Variants in KLK3 observed in about 807,000 individuals in gnomAD.
The protein encoded by KLK3 is prostate-specific antigen.
KLK3 carries 23 observed loss-of-function variants against 27.7 expected under a neutral mutation model. The observed-to-expected ratio is 0.83, with a 90% CI of 0.60 to 1.17. KLK3 has a LOEUF of 1.17. KLK3 is among the 50% of genes most tolerant of loss of function. The pLI is 0.00. For synonymous variants in KLK3, 142 were observed against 134.2 expected (o/e 1.06, Z -0.40); for missense variants, 322 against 338.1 (o/e 0.95, Z 0.37).
rs1255115588 is a variant in KLK3 at position 50,860,049 on chromosome 19, G to T, written c.708G>T (p.Leu236=). ...ITSWGSEPCA[L]PERPSLYTKV... is the part of the protein sequence containing the mutation. ...CATGGGGCAGTGAACCATGTGCCCTGCCCGAAAGGCCTTCCCTGTACACCA... is the reference window on the plus strand; with the variant it reads ...CATGGGGCAGTGAACCATGTGCCCTTCCCGAAAGGCCTTCCCTGTACACCA... The change falls in exon 5 of 5, where the codon CTG becomes CTT. Residue 236 remains leucine, a synonymous_variant. Coordinates refer to ENST00000326003, the MANE Select transcript of KLK3 (RefSeq NM_001648.2). The T allele has an allele frequency of 1.2e-6, 2 of 1,613,998 alleles. No individual in the cohort carries two copies. The highest frequency in any genetic ancestry group is 1.7e-6 in the Non-Finnish European group (2 of 1,179,984).
rs771089837 is a variant in KLK3 at position 50,858,315 on chromosome 19, T to G, written c.493T>G (p.Phe165Val). The change falls in exon 3 of 5, where the codon TTC (phenylalanine) becomes GTC (valine). Residue 165 changes from phenylalanine (F) to valine (V), a missense_variant and splice_region_variant. Transcript: ENST00000326003. ...SGWGSIEPEE[F>V]LTPKKLQCVD... ...CTGGGGCAGCATTGAACCAGAGGAG[T>G]GTACGCCTGGGCCAGATGGTGCAGC... The G allele has an allele frequency of 6.7e-5, 108 of 1,611,000 alleles. No homozygotes were observed. Among genetic ancestry groups the G allele is most frequent in the East Asian group, 1.6e-4 (7 of 44,844 alleles).
chr19:50,857,841 C>T (rs1198773092), intron 2 of KLK3, 188 bp from the exon 3 acceptor site: 12 of 560,632 alleles, frequency 2.1e-5, no homozygotes, highest in Non-Finnish European at 3.8e-5. Context: ...CTGTATCTGC[C>T]CTTCACCCTC....
intron 4 of KLK3, chr19:50,859,701 C>T: frequency 6.3e-7 from 1 of 1,581,974 alleles, no homozygotes; most frequent in South Asian, 1.1e-5. Flanking sequence ...GTCCCACCGA[C>T]CTGTCTACAA....
chr19:50,860,031 C>T lies in KLK3; in HGVS notation c.690C>T (p.Gly230=). 1.2e-6 allele frequency: 2 copies of T among 1,614,112 alleles called. No homozygotes were observed. Among genetic ancestry groups the T allele is most frequent in the Non-Finnish European group, 1.7e-6 (2 of 1,179,964 alleles). Residue 230 remains glycine (G), a synonymous_variant, in exon 5 of 5, where the codon GGC becomes GGT. Transcript: ENST00000326003. Reference sequence around the variant, plus strand: ...TGCTTCAAGGTATCACGTCATGGGGCAGTGAACCATGTGCCCTGCCCGAAA... The same window carrying T: ...TGCTTCAAGGTATCACGTCATGGGGTAGTGAACCATGTGCCCTGCCCGAAA... ...NGVLQGITSW[G]SEPCALPERP... is the part of the protein sequence containing the mutation.
chr19:50,860,381 T>G lies in KLK3; in HGVS notation c.*254T>G. The G allele has an allele frequency of 2.6e-6, 1 of 378,968 alleles. No individual in the cohort carries two copies. 23.5% of individuals were successfully genotyped at this position (378,968 alleles called of 1,614,324 possible). ...AATTTCTCTGAGGACACAGATAGGA[T>G]GGGGTGTCTGTGTTATTTGTGGGGT... On this transcript the variant is annotated 3_prime_UTR_variant, in exon 5 of 5. Coordinates refer to ENST00000326003, the MANE Select transcript of KLK3 (RefSeq NM_001648.2).
chr19:50,857,162 C>CAAAAAAAAAA (rs560911495), intron 2 of KLK3, among the ~76,000 whole-genome samples: 652 of 46,278 alleles, frequency 0.014, 48 homozygotes, highest in Admixed American at 0.043. Context: ...GACTCCGCCT[C>CAAAAAAAAAA]AAAAAAAAAA....
At position 50,858,300 on chromosome 19, in the gene KLK3, A is replaced by T. The variant is rs200126385; in HGVS notation, c.478A>T (p.Ile160Phe). 8.7e-6 allele frequency: 14 copies of T among 1,613,526 alleles called. No individual in the cohort carries two copies. Among genetic ancestry groups the T allele is most frequent in the Non-Finnish European group, 1.2e-5 (14 of 1,179,774 alleles). ...TTCYASGWGS[I>F]EPEEFLTPKK... ...CTGCTACGCCTCAGGCTGGGGCAGC[A>T]TTGAACCAGAGGAGTGTACGCCTGG... The change falls in exon 3 of 5, where the codon ATT becomes TTT. Residue 160 changes from isoleucine (I) to phenylalanine (F), a missense_variant. Ile to Phe is a conservative substitution (Grantham distance 21). Coordinates refer to ENST00000326003, the MANE Select transcript of KLK3 (RefSeq NM_001648.2).
Position 50,856,328 on chromosome 19 carries a change from T to C in KLK3, c.135T>C (p.Arg45=), listed in dbSNP as rs2090147054. The C allele has an allele frequency of 6.2e-7, 1 of 1,613,568 alleles. No homozygotes were observed. The highest frequency in any genetic ancestry group is 1.3e-5 in the African/African-American group (1 of 74,918). ...CCTGGCAGGTGCTTGTGGCCTCTCGTGGCAGGGCAGTCTGCGGCGGTGTTC... is the reference window on the plus strand; with the variant it reads ...CCTGGCAGGTGCTTGTGGCCTCTCGCGGCAGGGCAGTCTGCGGCGGTGTTC... ...SQPWQVLVAS[R]GRAVCGGVLV... is the part of the protein sequence containing the mutation. Residue 45 remains arginine (R), a synonymous_variant, in exon 2 of 5, where the codon CGT becomes CGC. Coordinates refer to ENST00000326003, the MANE Select transcript of KLK3 (RefSeq NM_001648.2).
intron 2 of KLK3, 22 bp from the exon 3 acceptor site, chr19:50,858,007 C>T (rs752072601): frequency 6.3e-7 from 1 of 1,590,660 alleles, no homozygotes; most frequent in South Asian, 1.1e-5. Flanking sequence ...GCTCCTCATT[C>T]CTGCGTCTGC....
At position 50,857,978 on chromosome 19, in the gene KLK3, C is replaced by G. The variant is rs1235627796; in HGVS notation, c.207-51C>G. On this transcript the variant is annotated intron_variant, in intron 2 of 4. Transcript: ENST00000326003. ...TCCTCCTTGCTCCTCTGTCCCTTCT[C>G]TCTTTCCTTATCATCCTCGCTCCTC... The G allele has an allele frequency of 3.9e-6, 6 of 1,550,666 alleles. No homozygotes were observed. In the South Asian group the frequency reaches 7.3e-5, roughly 19 times the overall value.
In KLK3 at chr19:50,860,413, A is replaced by ACCAC; in HGVS notation, c.*286_*287insCCAC. Reference sequence around the variant, plus strand: ...TCTGTGTTATTTGTGGGGTACAGAGATGAAAGAGGGGTGGGATCCACACTG... The same window carrying ACCAC: ...TCTGTGTTATTTGTGGGGTACAGAGACCACTGAAAGAGGGGTGGGATCCACACTG... On this transcript the variant is annotated 3_prime_UTR_variant, in exon 5 of 5. Transcript: ENST00000326003. The ACCAC allele has an allele frequency of 3.5e-6, 1 of 287,908 alleles. No individual in the cohort carries two copies. The highest frequency in any genetic ancestry group is 7.5e-5 in the South Asian group (1 of 13,308). 17.8% of individuals were successfully genotyped at this position (287,908 alleles called of 1,614,324 possible). A position where few individuals can be genotyped will look rare whatever the true frequency, so the allele number is the denominator to read the frequency against.
At chr19:50,855,038 G>C (rs910181602) in intron 1 of KLK3, 37 bp downstream of exon 1, 3 of 1,608,008 alleles carry the variant, frequency 1.9e-6, no homozygotes, top group Non-Finnish European at 2.6e-6. Context: ...GCAGGAGAGG[G>C]AGCCAGCCCT....
chr19:50,856,178 A>C, intron 1 of KLK3, 62 bp from the exon 2 acceptor site: 1 of 1,470,128 alleles, frequency 6.8e-7, no homozygotes, highest in Non-Finnish European at 9.3e-7. Flanking sequence ...TCCATCTCCT[A>C]TCCGAGTCCC....
In KLK3 at chr19:50,860,154, T is replaced by C. The variant is rs759482291; in HGVS notation, c.*27T>C. The C allele has an allele frequency of 1.3e-6, 2 of 1,557,044 alleles. No homozygotes were observed. The highest frequency in any genetic ancestry group is 1.8e-6 in the Non-Finnish European group (2 of 1,131,824). ...CACCCCTATCAACCCCCTATTGTAGTAAACTTGGAACCTTGGAAATGACCA... is the reference window on the plus strand; with the variant it reads ...CACCCCTATCAACCCCCTATTGTAGCAAACTTGGAACCTTGGAAATGACCA... On this transcript the variant is annotated 3_prime_UTR_variant, in exon 5 of 5. Transcript: ENST00000326003.
chr19:50,856,117 C>G, intron 1 of KLK3, 123 bp from the exon 2 acceptor site: 1 of 805,344 alleles, frequency 1.2e-6, no homozygotes, highest in Non-Finnish European at 2.0e-6. Flanking sequence ...TGTCCCAGGA[C>G]TCCCAGCCTT....
chr19:50,858,686 C>T (rs771785284), intron 4 of KLK3, 91 bp downstream of exon 4: 1 of 1,437,506 alleles, frequency 7.0e-7, no homozygotes, highest in Non-Finnish European at 9.6e-7. Context: ...AAGGCGTCTG[C>T]CTCCCCTGCT....
intron 4 of KLK3, chr19:50,858,955 A>C: frequency 7.5e-6 from 3 of 400,402 alleles, no homozygotes; most frequent in Non-Finnish European, 1.3e-5. Context: ...GGACCACAAC[A>C]CAGAAAAGCT....
At chr19:50,856,561 A>T (rs1599991004) in intron 2 of KLK3, 162 bp downstream of exon 2, 6 of 728,892 alleles carry the variant, frequency 8.2e-6, no homozygotes, top group Admixed American at 3.2e-5. Flanking sequence ...GGGCTGGACC[A>T]CCCTCCCCAT....
In KLK3 at chr19:50,858,331, A is replaced by T; in HGVS notation, c.493+16A>T. On this transcript the variant is annotated intron_variant, in intron 3 of 4. Transcript: ENST00000326003. ...CCAGAGGAGTGTACGCCTGGGCCAGATGGTGCAGCCGGGAGCCCAGATGCC... is the reference window on the plus strand; with the variant it reads ...CCAGAGGAGTGTACGCCTGGGCCAGTTGGTGCAGCCGGGAGCCCAGATGCC... The T allele has an allele frequency of 6.2e-7, 1 of 1,608,864 alleles. No homozygotes were observed. The highest frequency in any genetic ancestry group is 8.5e-7 in the Non-Finnish European group (1 of 1,176,676).
Sources: allele counts gnomAD v4.1 joint callset (sites outside exome capture counted in the v4.1 genomes callset), GRCh38; gene constraint gnomAD v4.1.1; transcripts MANE v1.5; gene names NCBI Gene and HGNC (gene_info 2026-07-23, HGNC 2026-07-21).